The following RNLS variants were observed in gnomAD, a reference collection of about 807,000 sequenced individuals.
The protein encoded by RNLS is renalase, FAD dependent amine oxidase, also known as renalase.
RNLS carries 39 observed loss-of-function variants against 39.8 expected under a neutral mutation model. The ratio of observed to expected loss-of-function variants is 0.98; its 90% CI spans 0.76 to 1.28. The LOEUF is 1.28. Ranked by LOEUF, RNLS falls within the 50% of genes most tolerant of loss-of-function variation. The pLI, the probability that RNLS is intolerant of heterozygous loss-of-function variation, is 0.00. For missense variants in RNLS, 410 were observed against 413.3 expected, an observed-to-expected ratio of 0.99 and a Z score of 0.07; for synonymous variants, 147 against 150.7, an observed-to-expected ratio of 0.98 and a Z score of 0.18.
intron 4 of RNLS, among the ~76,000 whole-genome samples, chr10:88,555,185 A>T (rs1028594758): frequency 6.6e-6 from 1 of 151,572 alleles, no homozygotes; most frequent in Non-Finnish European, 1.5e-5. Context: ...AGTGAGAAAC[A>T]CTGGTCTAAA....
At chr10:88,233,479 A>G in the RNLS span, among the ~76,000 whole-genome samples, 1 of 152,222 alleles carries the variant, frequency 6.6e-6, no homozygotes, top group Non-Finnish European at 1.5e-5. Context: ...AAATCTCTTT[A>G]CTGACCTGAC....
intron 6 of RNLS, among the ~76,000 whole-genome samples, chr10:88,289,958 T>C (rs184652770): frequency 2.1e-4 from 32 of 152,228 alleles, no homozygotes; most frequent in Admixed American, 1.6e-3. Context: ...ATTCCGTCGG[T>C]CAAAAATGGG....
chr10:88,179,388 G>T, the RNLS span, among the ~76,000 whole-genome samples: 52 of 152,262 alleles, frequency 3.4e-4, no homozygotes, highest in Admixed American at 1.2e-3. Flanking sequence ...TTAGCTTCTT[G>T]CACTCTTGGT....
At chr10:88,390,951 C>T (rs1852160563) in intron 4 of RNLS, among the ~76,000 whole-genome samples, 1 of 152,306 alleles carries the variant, frequency 6.6e-6, no homozygotes, top group South Asian at 2.1e-4. Context: ...TTTTAATAGA[C>T]ACCTAATTTC....
intron 4 of RNLS, among the ~76,000 whole-genome samples, chr10:88,378,766 A>T (rs2133489318): frequency 6.6e-6 from 1 of 152,330 alleles, no homozygotes; most frequent in East Asian, 1.9e-4. Context: ...ATAAAAATGG[A>T]CTGTTTCCTT....
At chr10:88,433,849 A>G (rs1178518379) in intron 4 of RNLS, among the ~76,000 whole-genome samples, 2 of 152,152 alleles carry the variant, frequency 1.3e-5, no homozygotes, top group Admixed American at 6.6e-5. Context: ...GCTGAAATCA[A>G]AATAATGTAA....
chr10:88,576,250 A>G (rs186345579), intron 3 of RNLS, among the ~76,000 whole-genome samples: 1 of 152,320 alleles, frequency 6.6e-6, no homozygotes, highest in Admixed American at 6.5e-5. Flanking sequence ...CTCTACATTA[A>G]CAGAGGCCAG....
chr10:88,391,790 C>A (rs1852215362), intron 4 of RNLS, among the ~76,000 whole-genome samples: 1 of 152,090 alleles, frequency 6.6e-6, no homozygotes, highest in South Asian at 2.1e-4. Flanking sequence ...TAGCAGAAAT[C>A]AGGTAAGCTT....
chr10:88,453,693 T>C (rs773594594), intron 4 of RNLS, among the ~76,000 whole-genome samples: 1 of 152,246 alleles, frequency 6.6e-6, no homozygotes, highest in African/African-American at 2.4e-5. Flanking sequence ...CTGGTATTAC[T>C]CCTTCTACTC....
At chr10:88,467,974 T>A (rs1323261432) in intron 4 of RNLS, among the ~76,000 whole-genome samples, 3 of 152,220 alleles carry the variant, frequency 2.0e-5, no homozygotes, top group Non-Finnish European at 4.4e-5. Context: ...TTCCAAACAA[T>A]TTCCTGGCAG....
Position 88,581,675 on chromosome 10 carries a change from T to C in RNLS, c.259A>G (p.Arg87Gly), listed in dbSNP as rs764341322. The part of the protein sequence containing the change: ...YDELLAYGVL[R>G]PLSSPIEGMV... ...CCTTCAATAGGCGAGCTTAGAGGCCTCAAAACGCCATAGGCTAACAGTTCA... is the reference window on the plus strand; with the variant it reads ...CCTTCAATAGGCGAGCTTAGAGGCCCCAAAACGCCATAGGCTAACAGTTCA... The change falls in exon 3 of 7, where the codon AGG (arginine) becomes GGG (glycine). Residue 87 changes from arginine to glycine, a missense_variant. Physicochemically the swap from Arg to Gly is moderately radical, Grantham distance 125 (BLOSUM62 -2). Coordinates refer to ENST00000331772, the MANE Select transcript of RNLS (RefSeq NM_001031709.3). 21 of 1,594,584 alleles carry C rather than the reference T, an allele frequency of 1.3e-5. No homozygotes were observed. The East Asian group carries it at 4.6e-4, about 35-fold the overall frequency.
chr10:88,478,909 C>G (rs900441609), intron 4 of RNLS, among the ~76,000 whole-genome samples: 1 of 149,626 alleles, frequency 6.7e-6, no homozygotes, highest in East Asian at 2.0e-4. Context: ...CTTTCTTTCT[C>G]TCTCTCTCTC....
chr10:88,465,929 C>G (rs563868161), intron 4 of RNLS, among the ~76,000 whole-genome samples: 1 of 152,072 alleles, frequency 6.6e-6, no homozygotes, highest in Non-Finnish European at 1.5e-5. Context: ...TTCAGGTCAA[C>G]CACTACTGGC....
At chr10:88,557,991 A>G (rs1848964539) in intron 4 of RNLS, among the ~76,000 whole-genome samples, 1 of 152,184 alleles carries the variant, frequency 6.6e-6, no homozygotes, top group Admixed American at 6.6e-5. Context: ...TAAAAGAAGC[A>G]CACAGTCAGT....
intron 4 of RNLS, among the ~76,000 whole-genome samples, chr10:88,451,221 C>T (rs1842341972): frequency 6.6e-6 from 1 of 152,162 alleles, no homozygotes; most frequent in South Asian, 2.1e-4. Flanking sequence ...AATCTACCTC[C>T]CAAATGGCAA....
intron 6 of RNLS, among the ~76,000 whole-genome samples, chr10:88,287,799 A>G (rs1177725040): frequency 6.6e-6 from 1 of 152,052 alleles, no homozygotes; most frequent in African/African-American, 2.4e-5. Context: ...CTCACTCACT[A>G]TCATGAGCAC....
At chr10:88,351,953 G>C (rs1482318201) in intron 5 of RNLS, among the ~76,000 whole-genome samples, 1 of 152,042 alleles carries the variant, frequency 6.6e-6, no homozygotes, top group African/African-American at 2.4e-5. Context: ...GTATTTTATT[G>C]TCTTTGAAGC....
intron 4 of RNLS, among the ~76,000 whole-genome samples, chr10:88,535,687 G>A (rs1373435917): frequency 2.6e-5 from 4 of 152,042 alleles, no homozygotes; most frequent in Non-Finnish European, 4.4e-5. Flanking sequence ...TTTGGGTCAG[G>A]GGAAATACAA....
chr10:88,502,579 T>A (rs1304684289), intron 4 of RNLS, among the ~76,000 whole-genome samples: 2 of 152,154 alleles, frequency 1.3e-5, no homozygotes, highest in African/African-American at 4.8e-5. Flanking sequence ...AGCAGAATCA[T>A]AAGCCAAATA....
Sources: allele counts gnomAD v4.1 joint callset (sites outside exome capture counted in the v4.1 genomes callset), GRCh38; gene constraint gnomAD v4.1.1; transcripts MANE v1.5; gene names NCBI Gene and HGNC (gene_info 2026-07-23, HGNC 2026-07-21).